Variants in CEP85L observed in about 807,000 individuals in gnomAD.
The protein encoded by CEP85L is centrosomal protein of 85 kDa-like.
A neutral mutation model predicts 100.3 loss-of-function variants in CEP85L; 60 were observed. The ratio of observed to expected loss-of-function variants is 0.60; its 90% confidence interval spans 0.49 to 0.74. The LOEUF (loss-of-function observed/expected upper bound fraction) is 0.74, where lower values mean the gene tolerates loss of function less well. Among genes scored for constraint, CEP85L ranks in the 30% least tolerant of loss-of-function variants. The pLI, the probability that CEP85L is intolerant of heterozygous loss-of-function variation, is 0.00. For synonymous variants in CEP85L, 319 were observed against 322.7 expected (o/e 0.99, Z 0.12); for missense variants, 973 against 936.2 (o/e 1.04, Z -0.51).
chr6:118,513,195 G>T (rs541063387), intron 4 of CEP85L, among the ~76,000 whole-genome samples: 1 of 152,048 alleles, frequency 6.6e-6, no homozygotes, highest in African/African-American at 2.4e-5. Flanking sequence ...TCAGTGAGCC[G>T]CGAGATTATA....
intron 3 of CEP85L, chr6:118,558,917 G>T: frequency 6.2e-7 from 1 of 1,612,954 alleles, no homozygotes; most frequent in Non-Finnish European, 8.5e-7. Context: ...TGTCCTGCTG[G>T]TATCATGGAG....
chr6:118,500,288 T>G (rs1775198234), intron 5 of CEP85L, among the ~76,000 whole-genome samples: 1 of 152,130 alleles, frequency 6.6e-6, no homozygotes. Context: ...AAAGGGACCG[T>G]GACCAACTCA....
chr6:118,507,532 C>T (rs1775727993), intron 5 of CEP85L, among the ~76,000 whole-genome samples: 1 of 152,158 alleles, frequency 6.6e-6, no homozygotes, highest in Non-Finnish European at 1.5e-5. Context: ...TAAACTGGGC[C>T]AGCCCTAAGC....
At chr6:118,709,898 C>G (rs1777731985) in intron 1 of CEP85L, 1 of 151,674 alleles carries the variant, frequency 6.6e-6, no homozygotes, top group South Asian at 2.1e-4. Flanking sequence ...TGCTTCTAAG[C>G]AAGAGGTATA....
At chr6:118,560,043 A>T (rs1258657504) in intron 3 of CEP85L, 7 of 167,126 alleles carry the variant, frequency 4.2e-5, no homozygotes, top group Non-Finnish European at 2.9e-5. Flanking sequence ...AAGGAAAATA[A>T]AAGATTTCCA....
intron 2 of CEP85L, among the ~76,000 whole-genome samples, chr6:118,630,036 T>C (rs1412265572): frequency 6.6e-6 from 1 of 152,248 alleles, no homozygotes; most frequent in African/African-American, 2.4e-5. Flanking sequence ...GGACTGGTTC[T>C]GGCCAGTCAC....
intron 3 of CEP85L, chr6:118,558,870 T>A (rs1779060361): frequency 2.0e-6 from 3 of 1,469,472 alleles, no homozygotes; most frequent in Non-Finnish European, 2.9e-6. Context: ...TGCCAGCTTT[T>A]TATCTTTCTC....
At chr6:118,650,559 G>A (rs1389910105) in intron 1 of CEP85L, among the ~76,000 whole-genome samples, 1 of 152,228 alleles carries the variant, frequency 6.6e-6, no homozygotes, top group African/African-American at 2.4e-5. Flanking sequence ...ACTGCAGGAC[G>A]CGCCCTCCTC....
chr6:118,692,923 A>G (rs946421543), intron 1 of CEP85L, among the ~76,000 whole-genome samples: 22 of 152,222 alleles, frequency 1.4e-4, no homozygotes, highest in African/African-American at 5.1e-4. Context: ...CCCAGCACAT[A>G]GTAGGCCAAA....
intron 2 of CEP85L, among the ~76,000 whole-genome samples, chr6:118,594,781 G>A (rs1251141315): frequency 5.3e-5 from 8 of 150,602 alleles, no homozygotes; most frequent in South Asian, 2.1e-4. Flanking sequence ...GCGTGAACCC[G>A]GGAGGCGGAG....
At chr6:118,592,225 A>G (rs574377560) in intron 2 of CEP85L, among the ~76,000 whole-genome samples, 2 of 152,202 alleles carry the variant, frequency 1.3e-5, no homozygotes, top group South Asian at 4.2e-4. Context: ...TCTAGCACCA[A>G]TGGTTAAAGA....
intron 1 of CEP85L, among the ~76,000 whole-genome samples, chr6:118,646,696 C>G (rs1425606636): frequency 1.3e-5 from 2 of 152,086 alleles, no homozygotes; most frequent in Non-Finnish European, 2.9e-5. Flanking sequence ...TAAAAAGTGT[C>G]TGATGATCAC....
At chr6:118,542,568 A>G (rs1173135314) in intron 3 of CEP85L, among the ~76,000 whole-genome samples, 2 of 145,326 alleles carry the variant, frequency 1.4e-5, no homozygotes, top group African/African-American at 5.1e-5. Flanking sequence ...TTTATTTACG[A>G]GAAAACTACA....
chr6:118,503,675 A>G (rs540139514), intron 5 of CEP85L, among the ~76,000 whole-genome samples: 1 of 152,216 alleles, frequency 6.6e-6, no homozygotes, highest in African/African-American at 2.4e-5. Flanking sequence ...AGCAAATGCA[A>G]TACAGGGGAA....
intron 1 of CEP85L, among the ~76,000 whole-genome samples, chr6:118,646,306 A>G (rs1431479366): frequency 6.6e-6 from 1 of 152,234 alleles, no homozygotes; most frequent in Non-Finnish European, 1.5e-5. Context: ...TGCTCTTCTT[A>G]GAATATTACT....
chr6:118,521,079 C>T (rs1776640263), intron 4 of CEP85L, among the ~76,000 whole-genome samples: 1 of 152,096 alleles, frequency 6.6e-6, no homozygotes, highest in African/African-American at 2.4e-5. Context: ...TAATATACAA[C>T]ATATAATTTT....
chr6:118,616,407 C>T (rs1773047870), intron 2 of CEP85L, among the ~76,000 whole-genome samples: 1 of 151,976 alleles, frequency 6.6e-6, no homozygotes, highest in African/African-American at 2.4e-5. Flanking sequence ...TGGTACAAGC[C>T]TGTAACCAAA....
chr6:118,672,330 G>A (rs917329142), intron 1 of CEP85L, among the ~76,000 whole-genome samples: 12 of 152,082 alleles, frequency 7.9e-5, no homozygotes, highest in South Asian at 2.1e-4. Context: ...GAGCCACTGC[G>A]CCAGGCTTGA....
At position 118,559,127 on chromosome 6, in the gene CEP85L, A is replaced by G. The variant is rs778941150; in HGVS notation, c.1020+6402T>C. On this transcript the variant is annotated intron_variant, in intron 3 of 12. Coordinates refer to ENST00000368491, the MANE Select transcript of CEP85L (RefSeq NM_001042475.3). The stretch of plus-strand genomic sequence containing the variant: ...TCTGCAGCTTGCCACATCAGCTTAA[A>G]ATCTGTCATCCCATGCAGACAGGAA... 3 of 1,418,010 alleles carry G rather than the reference A, an allele frequency of 2.1e-6. No individual in the cohort carries two copies. In the South Asian group the frequency reaches 3.4e-5, roughly 16 times the overall value. The allele number at this position is 1,418,010 out of a possible 1,614,324, so 87.8% of individuals were successfully genotyped here.
Sources: gnomAD v4.1 joint callset for allele counts (sites outside exome capture counted in the v4.1 genomes callset) on GRCh38, gnomAD v4.1.1 for gene constraint, MANE v1.5 for transcripts, NCBI Gene and HGNC (gene_info 2026-07-23, HGNC 2026-07-21) for gene names.